The following PPFIA2 variants were observed in gnomAD, a reference collection of about 807,000 sequenced individuals.
PPFIA2 encodes the protein PPFI scaffold protein A2.
A neutral mutation model predicts 175.5 loss-of-function variants in PPFIA2; 46 were observed. That is an observed-to-expected ratio of 0.26 (90% confidence interval 0.21 to 0.34). The LOEUF (loss-of-function observed/expected upper bound fraction) is 0.34. Among genes scored for constraint, PPFIA2 ranks in the 10% least tolerant of loss-of-function variants. The pLI, the probability that PPFIA2 is intolerant of heterozygous loss-of-function variation, is 1.00. For synonymous variants in PPFIA2, 568 were observed against 511.4 expected (o/e 1.11, Z -1.49); for missense variants, 1,179 against 1,506.1 (o/e 0.78, Z 3.60).
At chr12:81,491,382 A>G (rs1223257522) in intron 4 of PPFIA2, among the ~76,000 whole-genome samples, 1 of 151,954 alleles carries the variant, frequency 6.6e-6, no homozygotes, top group Non-Finnish European at 1.5e-5. Context: ...TCCCCAAAAA[A>G]AGTCACCCCA....
chr12:81,323,324 T>A (rs563190973), intron 22 of PPFIA2, among the ~76,000 whole-genome samples: 1 of 152,206 alleles, frequency 6.6e-6, no homozygotes, highest in East Asian at 1.9e-4. Flanking sequence ...GAAACACCAT[T>A]TTGCCAGTCC....
rs1271168150 is a variant in PPFIA2 at position 81,259,379 on chromosome 12, A to C, written c.*315T>G. 1 of 618,824 alleles carries C rather than the reference A, an allele frequency of 1.6e-6. No individual in the cohort carries two copies. The highest frequency in any genetic ancestry group is 3.3e-5 in the East Asian group (1 of 30,630). The allele number at this position is 618,824 out of a possible 1,614,324, so 38.3% of individuals were successfully genotyped here. A position where few individuals can be genotyped will look rare whatever the true frequency, so the allele number is the denominator to read the frequency against. ...ATACATAAATGCCTAGTATATTACA[A>C]TAAAACATGAAAAACAACTGGCTTC... is the stretch of plus-strand genomic sequence containing the variant. On this transcript the variant is annotated 3_prime_UTR_variant, in exon 33 of 33. Coordinates refer to ENST00000549396, the MANE Select transcript of PPFIA2 (RefSeq NM_003625.5).
At chr12:81,541,797 A>C (rs1208179951) in intron 4 of PPFIA2, among the ~76,000 whole-genome samples, 1 of 152,116 alleles carries the variant, frequency 6.6e-6, no homozygotes, top group African/African-American at 2.4e-5. Flanking sequence ...CTACAAGTGA[A>C]CAATTCTGAA....
At chr12:81,596,873 G>A (rs547749383) in intron 4 of PPFIA2, among the ~76,000 whole-genome samples, 85 of 152,190 alleles carry the variant, frequency 5.6e-4, no homozygotes, top group African/African-American at 1.9e-3. Flanking sequence ...GTGTAAAACA[G>A]AAGAGGCAAC....
intron 4 of PPFIA2, among the ~76,000 whole-genome samples, chr12:81,522,531 A>C (rs2063276682): frequency 1.3e-5 from 2 of 152,212 alleles, no homozygotes; most frequent in African/African-American, 2.4e-5. Context: ...AAAATTTCTG[A>C]ATGAGAAATT....
intron 21 of PPFIA2, among the ~76,000 whole-genome samples, chr12:81,331,900 G>A (rs1043428177): frequency 6.6e-6 from 1 of 152,058 alleles, no homozygotes; most frequent in African/African-American, 2.4e-5. Context: ...GGTCAGATGT[G>A]TTCTTGTTTC....
chr12:81,662,362 A>T (rs926627399), intron 4 of PPFIA2, among the ~76,000 whole-genome samples: 6 of 152,202 alleles, frequency 3.9e-5, no homozygotes, highest in Non-Finnish European at 7.3e-5. Flanking sequence ...ACAATGATAA[A>T]GGGGATATTA....
chr12:81,464,474 T>C (rs183993001), intron 4 of PPFIA2, among the ~76,000 whole-genome samples: 3 of 152,140 alleles, frequency 2.0e-5, no homozygotes, highest in Admixed American at 2.0e-4. Flanking sequence ...TTTCACTCTT[T>C]TGTGCTGACT....
intron 4 of PPFIA2, among the ~76,000 whole-genome samples, chr12:81,555,434 C>T (rs1423739764): frequency 3.3e-5 from 5 of 152,024 alleles, no homozygotes; most frequent in African/African-American, 7.2e-5. Context: ...ATTGATATAA[C>T]TTTAATTAAT....
intron 3 of PPFIA2, among the ~76,000 whole-genome samples, chr12:81,746,820 A>T (rs2153660162): frequency 7.0e-6 from 1 of 143,516 alleles, no homozygotes; most frequent in Non-Finnish European, 1.6e-5. Flanking sequence ...AAGTATGGGT[A>T]TGGGTAAGTG....
intron 16 of PPFIA2, among the ~76,000 whole-genome samples, chr12:81,355,399 A>G (rs1187302755): frequency 6.6e-6 from 1 of 152,052 alleles, no homozygotes; most frequent in African/African-American, 2.4e-5. Context: ...ATTCTTGAAG[A>G]CCCTAGGATT....
At chr12:81,301,899 ATTTTT>A (rs900115480) in intron 22 of PPFIA2, among the ~76,000 whole-genome samples, 1 of 151,962 alleles carries the variant, frequency 6.6e-6, no homozygotes, top group Non-Finnish European at 1.5e-5. Flanking sequence ...TGTTTGCTTT[ATTTTT>A]CTCCAAGGTA....
chr12:81,320,087 G>A (rs565188751), intron 22 of PPFIA2, among the ~76,000 whole-genome samples: 1 of 152,030 alleles, frequency 6.6e-6, no homozygotes, highest in Non-Finnish European at 1.5e-5. Context: ...TAACGAATAT[G>A]TATTAAATGA....
chr12:81,675,926 T>C (rs763571302), intron 4 of PPFIA2, among the ~76,000 whole-genome samples: 5 of 151,990 alleles, frequency 3.3e-5, no homozygotes, highest in Non-Finnish European at 7.4e-5. Flanking sequence ...TTGATGAAAA[T>C]TAGATAACAC....
chr12:81,447,502 TC>T (rs2051515405), intron 5 of PPFIA2, among the ~76,000 whole-genome samples: 1 of 152,164 alleles, frequency 6.6e-6, no homozygotes, highest in African/African-American at 2.4e-5. Flanking sequence ...TCTTTAAGTC[TC>T]AGCTTAAACA....
chr12:81,750,765 G>C (rs2083653942), intron 3 of PPFIA2, among the ~76,000 whole-genome samples: 1 of 152,026 alleles, frequency 6.6e-6, no homozygotes, highest in South Asian at 2.1e-4. Flanking sequence ...TAATAGGAGA[G>C]AAAGTGACTA....
intron 13 of PPFIA2, 43 bp downstream of exon 13, chr12:81,368,682 C>T: frequency 6.4e-7 from 1 of 1,565,264 alleles, no homozygotes; most frequent in African/African-American, 1.4e-5. Context: ...CAAACATGAG[C>T]ATTGCAAAAT....
intron 16 of PPFIA2, among the ~76,000 whole-genome samples, chr12:81,356,344 T>C (rs1360799788): frequency 6.6e-6 from 1 of 151,932 alleles, no homozygotes. Flanking sequence ...ATAACAGATA[T>C]AATAATAATA....
chr12:81,529,559 A>AAGAGAGAGAGAGAGAGAG (rs60373881), intron 4 of PPFIA2, among the ~76,000 whole-genome samples: 1 of 145,692 alleles, frequency 6.9e-6, no homozygotes, highest in African/African-American at 2.6e-5. Flanking sequence ...GGGCAGTGGA[A>AAGAGAGAGAGAGAGAGAG]AGAGAGAGAG....
Sources: allele counts gnomAD v4.1 joint callset (sites outside exome capture counted in the v4.1 genomes callset), GRCh38; gene constraint gnomAD v4.1.1; transcripts MANE v1.5; gene names NCBI Gene and HGNC (gene_info 2026-07-23, HGNC 2026-07-21).